GALNT5: variants seen among roughly 807,000 people sequenced by gnomAD.
The protein encoded by GALNT5 is UDP-GalNAc:polypeptide N-acetylgalactosaminyltransferase 5.
In GALNT5, 72 loss-of-function variants were observed where a neutral mutation model predicts 85.4. The ratio of observed to expected loss-of-function variants is 0.84; its 90% CI spans 0.70 to 1.03. The LOEUF (loss-of-function observed/expected upper bound fraction) is 1.03, where lower values mean the gene tolerates loss of function less well. Ranked by LOEUF, GALNT5 falls within the 50% of genes least tolerant of loss-of-function variation. The probability of loss-of-function intolerance (pLI) is 0.00; values close to 1 mark genes in which losing one functional copy is unlikely to be tolerated. For synonymous variants in GALNT5, 404 were observed against 397.0 expected, an observed-to-expected ratio of 1.02 and a Z score of -0.21; for missense variants, 1,137 against 1,135.5, an observed-to-expected ratio of 1.00 and a Z score of -0.02.
intron 1 of GALNT5, among the ~76,000 whole-genome samples, chr2:157,270,081 C>A (rs1682548927): frequency 6.6e-6 from 1 of 151,814 alleles, no homozygotes; most frequent in African/African-American, 2.4e-5. Flanking sequence ...TTCTTCTGTA[C>A]CCTCCCTTTC....
intron 7 of GALNT5, chr2:157,302,039 G>C (rs569912061): frequency 3.5e-4 from 53 of 152,220 alleles, no homozygotes; most frequent in African/African-American, 1.3e-3. Context: ...CTTCAGCTGG[G>C]GTTCTTAGAC....
At chr2:157,285,672 A>C (rs946035538) in intron 2 of GALNT5, among the ~76,000 whole-genome samples, 2 of 152,186 alleles carry the variant, frequency 1.3e-5, no homozygotes, top group African/African-American at 4.8e-5. Context: ...GGTGGGGCTG[A>C]GAGTAGAGGC....
intron 8 of GALNT5, among the ~76,000 whole-genome samples, chr2:157,306,495 C>G (rs901861440): frequency 6.6e-6 from 1 of 152,190 alleles, no homozygotes; most frequent in Non-Finnish European, 1.5e-5. Flanking sequence ...TTCCACAGTG[C>G]TGGAGGTGAG....
At chr2:157,275,490 TC>T (rs1190185827) in intron 1 of GALNT5, among the ~76,000 whole-genome samples, 1 of 152,216 alleles carries the variant, frequency 6.6e-6, no homozygotes, top group African/African-American at 2.4e-5. Flanking sequence ...TTTGTTTGTG[TC>T]CTATTTCATT....
rs960141965 is a variant in GALNT5 at position 157,288,037 on chromosome 2, A to G, written c.1741+1903A>G. ...TGGCACCTGAATGCCCTGACCCCAGAGTCCGTCCTCTTATCAACTACACCT... is the reference window on the plus strand; with the variant it reads ...TGGCACCTGAATGCCCTGACCCCAGGGTCCGTCCTCTTATCAACTACACCT... On this transcript the variant is annotated intron_variant, in intron 3 of 9. Transcript: ENST00000259056. Among the ~76,000 whole-genome samples, 4 of 152,310 alleles carry G rather than the reference A, an allele frequency of 2.6e-5. No homozygotes were observed. In the South Asian group the frequency reaches 8.3e-4, roughly 32 times the overall value.
Position 157,258,290 on chromosome 2 carries a change from A to G in GALNT5, c.208A>G (p.Ser70Gly), listed in dbSNP as rs1682236161. ...AGACCAAGGAAAAATTTTTTACAGC[A>G]GCATAAAAGAGATGAAACCTCCCCT... Reference protein sequence around the residue: ...QPDQGKIFYSSIKEMKPPLRG... With the variant: ...QPDQGKIFYSGIKEMKPPLRG... Residue 70 changes from serine to glycine, a missense_variant, in exon 1 of 10, where the codon AGC becomes GGC. Transcript: ENST00000259056. 6.3e-7 allele frequency: 1 copy of G among 1,597,482 alleles called. No homozygotes were observed. Among genetic ancestry groups the G allele is most frequent in the Non-Finnish European group, 8.5e-7 (1 of 1,173,650 alleles).
intron 1 of GALNT5, among the ~76,000 whole-genome samples, chr2:157,260,913 T>C (rs1341348053): frequency 3.3e-5 from 5 of 152,328 alleles, no homozygotes; most frequent in Non-Finnish European, 7.3e-5. Flanking sequence ...AATGCAGACA[T>C]ACTCAAAGAT....
rs754067832 is a variant in GALNT5 at position 157,284,368 on chromosome 2, G to A, written c.1541G>A (p.Arg514Lys). ...FVDEVWSTLL[R>K]SVHSVINRSP... ...GATGAAGTGTGGTCCACTCTCCTGAGATCTGTTCACAGTGTCATCAATCGC... is the reference window on the plus strand; with the variant it reads ...GATGAAGTGTGGTCCACTCTCCTGAAATCTGTTCACAGTGTCATCAATCGC... Residue 514 changes from arginine to lysine, a missense_variant, in exon 2 of 10, where the codon AGA becomes AAA. Physicochemically the swap from Arg to Lys is conservative, Grantham distance 26. Transcript: ENST00000259056. 5 of 1,613,898 alleles carry A rather than the reference G, an allele frequency of 3.1e-6. No individual in the cohort carries two copies. Among genetic ancestry groups the A allele is most frequent in the Non-Finnish European group, 3.4e-6 (4 of 1,179,804 alleles).
In GALNT5 at chr2:157,313,610, G is replaced by A. The variant is rs1254356498; in HGVS notation, c.*2262G>A. ...ATGTTGAGAGGTTTTTTTCCCCCGG[G>A]TATATAGGCTCTCTTTTTATCCGAA... On this transcript the variant is annotated 3_prime_UTR_variant, in exon 10 of 10. Transcript: ENST00000259056. The A allele has an allele frequency of 1.3e-5, 2 of 151,976 alleles. No homozygotes were observed. The highest frequency in any genetic ancestry group is 2.9e-5 in the Non-Finnish European group (2 of 67,974). 9.4% of individuals were successfully genotyped at this position (151,976 alleles called of 1,614,324 possible). A position where few individuals can be genotyped will look rare whatever the true frequency, so the allele number is the denominator to read the frequency against.
At chr2:157,295,828 T>G in intron 4 of GALNT5, 30 bp downstream of exon 4, 2 of 1,542,158 alleles carry the variant, frequency 1.3e-6, no homozygotes, top group Non-Finnish European at 1.8e-6. Context: ...CAAGATACTT[T>G]CAAGCACATC....
In GALNT5 at chr2:157,276,363, C is replaced by T. The variant is rs548433719; in HGVS notation, c.1455-7919C>T. ...TAAAATGAGTTAGGGAGGATTCCTG[C>T]TTTTTGTATTGATTGGAATAGTTTC... On this transcript the variant is annotated intron_variant, in intron 1 of 9. Coordinates refer to ENST00000259056, the MANE Select transcript of GALNT5 (RefSeq NM_014568.3). Among the ~76,000 whole-genome samples, 4 of 152,212 alleles carry T rather than the reference C, an allele frequency of 2.6e-5. No individual in the cohort carries two copies. The South Asian group carries it at 8.3e-4, about 32-fold the overall frequency.
intron 3 of GALNT5, among the ~76,000 whole-genome samples, chr2:157,294,891 G>C (rs1683179678): frequency 6.6e-6 from 1 of 151,892 alleles, no homozygotes; most frequent in Admixed American, 6.6e-5. Context: ...GAGAGAGAGA[G>C]AGTGTTACTT....
intron 3 of GALNT5, among the ~76,000 whole-genome samples, chr2:157,294,528 T>G (rs972193373): frequency 1.3e-5 from 2 of 152,038 alleles, no homozygotes; most frequent in African/African-American, 4.8e-5. Context: ...GCACCTGAGT[T>G]AGGAATGCAG....
intron 9 of GALNT5, 67 bp from the exon 10 acceptor site, chr2:157,311,141 T>G: frequency 3.2e-6 from 4 of 1,244,518 alleles, no homozygotes; most frequent in South Asian, 2.6e-5. Flanking sequence ...TAATTGATTT[T>G]CATTTCTTCA....
At chr2:157,287,468 T>A (rs1337376440) in intron 3 of GALNT5, among the ~76,000 whole-genome samples, 2 of 152,152 alleles carry the variant, frequency 1.3e-5, no homozygotes, top group East Asian at 3.8e-4. Context: ...GATTTATGGC[T>A]CAGAAATTAA....
At chr2:157,289,148 A>G (rs1187670754) in intron 3 of GALNT5, among the ~76,000 whole-genome samples, 1 of 117,384 alleles carries the variant, frequency 8.5e-6, no homozygotes, top group Middle Eastern at 3.6e-3. Context: ...TGCACGGAGC[A>G]CAGAGTATGC....
rs574858602 is a variant in GALNT5 at position 157,316,154 on chromosome 2, A to T, written c.*4806A>T. 1.2e-4 allele frequency among the ~76,000 whole-genome samples: 18 copies of T among 152,130 alleles called. No individual in the cohort carries two copies. The highest frequency in any genetic ancestry group is 2.9e-4 in the African/African-American group (12 of 41,504). On this transcript the variant is annotated 3_prime_UTR_variant, in exon 10 of 10. Coordinates refer to ENST00000259056, the MANE Select transcript of GALNT5 (RefSeq NM_014568.3). ...ACTTCACCAGTGCCATGTCACCCAC[A>T]CACCTGGTGACAAGGAAAAGGGAGC...
chr2:157,295,865 G>C (rs998165484), intron 4 of GALNT5, 67 bp downstream of exon 4: 4 of 1,173,500 alleles, frequency 3.4e-6, no homozygotes, highest in South Asian at 1.3e-5. Flanking sequence ...AGAAAGTGCT[G>C]AGTATATGCC....
rs1274059170 is a variant in GALNT5, at chr2:157,314,971, G to T, written c.*3623G>T. Among the ~76,000 whole-genome samples the T allele has an allele frequency of 1.3e-5, 2 of 151,994 alleles. No individual in the cohort carries two copies. Among genetic ancestry groups the T allele is most frequent in the African/African-American group, 4.8e-5 (2 of 41,306 alleles). On this transcript the variant is annotated 3_prime_UTR_variant, in exon 10 of 10. Transcript: ENST00000259056. Reference sequence around the variant, plus strand: ...TGGGCGCCTGTAATCCCAGCTACCTGGGAGGCTGAAGCAGGAGAATTGCTT... The same window carrying T: ...TGGGCGCCTGTAATCCCAGCTACCTTGGAGGCTGAAGCAGGAGAATTGCTT...
Sources: gnomAD v4.1 joint callset for allele counts (sites outside exome capture counted in the v4.1 genomes callset) on GRCh38, gnomAD v4.1.1 for gene constraint, MANE v1.5 for transcripts, NCBI Gene and HGNC (gene_info 2026-07-23, HGNC 2026-07-21) for gene names.